Variants in SVIL observed in about 807,000 individuals in gnomAD.
The protein encoded by SVIL is supervillin, also known as archvillin.
A neutral mutation model predicts 240.4 loss-of-function variants in SVIL; 101 were observed. The observed-to-expected ratio is 0.42, with a 90% confidence interval of 0.36 to 0.50. The LOEUF is 0.50. SVIL is among the 20% of genes least tolerant of loss of function. The pLI, the probability that SVIL is intolerant of heterozygous loss-of-function variation, is 0.01. For synonymous variants in SVIL, 999 were observed against 1,100.0 expected (o/e 0.91, Z 1.82); for missense variants, 2,512 against 2,818.7 (o/e 0.89, Z 2.46).
chr10:29,626,675 T>G (rs1957883957), intron 1 of SVIL, among the ~76,000 whole-genome samples: 1 of 152,136 alleles, frequency 6.6e-6, no homozygotes, highest in Non-Finnish European at 1.5e-5. Context: ...CATACTTAAA[T>G]GAACACAAAA....
intron 1 of SVIL, among the ~76,000 whole-genome samples, chr10:29,613,393 C>T (rs372295501): frequency 2.0e-5 from 3 of 151,912 alleles, no homozygotes; most frequent in Non-Finnish European, 2.9e-5. Flanking sequence ...AGTGCAGTGG[C>T]GCAATCAAGG....
At position 29,681,741 on chromosome 10, in the gene SVIL, T is replaced by C. The variant is rs182068124; in HGVS notation, c.-301+4812A>G. On this transcript the variant is annotated intron_variant, in intron 2 of 35. Coordinates refer to the SVIL transcript ENST00000375400. ...TGGTTTCAGATCATCAGAGCTGGGCTGGATGCTCCCACCAGCAGGACTTCC... is the reference window on the plus strand; with the variant it reads ...TGGTTTCAGATCATCAGAGCTGGGCCGGATGCTCCCACCAGCAGGACTTCC... Among the ~76,000 whole-genome samples, 283 of 152,328 alleles carry C rather than the reference T, an allele frequency of 1.9e-3. No homozygotes were observed. In the South Asian group the frequency reaches 0.03, roughly 16 times the overall value.
At chr10:29,479,791 A>C (rs1474391855) in intron 29 of SVIL, among the ~76,000 whole-genome samples, 1 of 152,236 alleles carries the variant, frequency 6.6e-6, no homozygotes, top group East Asian at 1.9e-4. Context: ...GTAAAGAGGC[A>C]AAAATACTCT....
At chr10:29,556,862 C>A (rs1953979857) in intron 3 of SVIL, among the ~76,000 whole-genome samples, 1 of 152,020 alleles carries the variant, frequency 6.6e-6, no homozygotes, top group Non-Finnish European at 1.5e-5. Context: ...TCAAGGATGA[C>A]AAAAACCAAA....
chr10:29,470,992 C>T (rs1234732894), intron 31 of SVIL, 146 bp downstream of exon 31: 1 of 746,296 alleles, frequency 1.3e-6, no homozygotes, highest in African/African-American at 1.7e-5. Context: ...ACCCATAGAG[C>T]TGAGTTATCA....
rs958007068 is a variant in SVIL, at chr10:29,548,195, G to C, written c.827+2402C>G. Reference sequence around the variant, plus strand: ...ATACATTTCAGTACCACAAGGGTCTGCTTCATATGTGTTACTGCCACTTAG... The same window carrying C: ...ATACATTTCAGTACCACAAGGGTCTCCTTCATATGTGTTACTGCCACTTAG... On this transcript the variant is annotated intron_variant, in intron 6 of 37. Coordinates refer to ENST00000355867, the MANE Select transcript of SVIL (RefSeq NM_021738.3). Among the ~76,000 whole-genome samples, 5 of 152,270 alleles carry C rather than the reference G, an allele frequency of 3.3e-5. No individual in the cohort carries two copies. The East Asian group carries it at 9.7e-4, about 29-fold the overall frequency.
At chr10:29,561,971 C>T (rs2132690023) in intron 3 of SVIL, among the ~76,000 whole-genome samples, 1 of 152,320 alleles carries the variant, frequency 6.6e-6, no homozygotes, top group East Asian at 1.9e-4. Context: ...GACATTCACC[C>T]TCATCAGACT....
At chr10:29,606,451 A>T (rs1233739865) in intron 1 of SVIL, among the ~76,000 whole-genome samples, 1 of 152,288 alleles carries the variant, frequency 6.6e-6, no homozygotes, top group South Asian at 2.1e-4. Context: ...AGGTTTTGTT[A>T]TACTTCTTTC....
At position 29,532,990 on chromosome 10, in the gene SVIL, C is replaced by T. The variant is rs1229600642; in HGVS notation, c.1377G>A (p.Leu459=). Residue 459 remains leucine (L), a synonymous_variant, in exon 8 of 38, where the codon TTG becomes TTA. Transcript: ENST00000355867. ...LEQSKKTLLA[L]EGDGLVRSPE... ...GGCTTCTCACTAGCCCATCACCCTC[C>T]AAAGCCAGTAGGGTTTTCTTGCTTT... 1.2e-6 allele frequency: 2 copies of T among 1,614,192 alleles called. No homozygotes were observed. Among genetic ancestry groups the T allele is most frequent in the Non-Finnish European group, 1.7e-6 (2 of 1,180,040 alleles).
chr10:29,497,965 C>T (rs1588990028), intron 18 of SVIL, among the ~76,000 whole-genome samples: 1 of 151,466 alleles, frequency 6.6e-6, no homozygotes. Flanking sequence ...GCCTGTGATC[C>T]CAGCTACTCG....
In SVIL at chr10:29,465,635, C is replaced by T; in HGVS notation, c.6093G>A (p.Met2031Ile). The T allele has an allele frequency of 3.1e-6, 5 of 1,613,972 alleles. No individual in the cohort carries two copies. The highest frequency in any genetic ancestry group is 4.2e-6 in the Non-Finnish European group (5 of 1,180,028). Residue 2031 changes from methionine (M) to isoleucine (I), a missense_variant, in exon 34 of 38, where the codon ATG (methionine) becomes ATA (isoleucine). Physicochemically the swap from Met to Ile is conservative, Grantham distance 10. Coordinates refer to ENST00000355867, the MANE Select transcript of SVIL (RefSeq NM_021738.3). ...TGTACAGATCTTCCTGCAGGAAGGG[C>T]ATGGAACTGACCACAGAGGGGGCTC... is the stretch of plus-strand genomic sequence containing the variant. ...PARAPSVVSS[M>I]PFLQEDLYSA... is the part of the protein sequence containing the mutation.
intron 6 of SVIL, among the ~76,000 whole-genome samples, chr10:29,537,434 C>T (rs1253510157): frequency 6.6e-6 from 1 of 152,138 alleles, no homozygotes; most frequent in Non-Finnish European, 1.5e-5. Context: ...GTAATTATAC[C>T]AGGCTGAAGG....
Position 29,634,676 on chromosome 10 carries a change from C to A in SVIL, c.-457G>T, listed in dbSNP as rs1056722877. On this transcript the variant is annotated 5_prime_UTR_variant, in exon 1 of 38. Transcript: ENST00000355867. ...CAAAGATCACGATGTCAGCAAGCAA[C>A]TGCATCTATCAGAAGCGATGATGAT... 4 of 152,130 alleles carry A rather than the reference C, an allele frequency of 2.6e-5. No homozygotes were observed. The highest frequency in any genetic ancestry group is 9.7e-5 in the African/African-American group (4 of 41,416). 9.4% of individuals were successfully genotyped at this position (152,130 alleles called of 1,614,324 possible).
At chr10:29,641,680 GA>G (rs1440038018) in intron 3 of SVIL, among the ~76,000 whole-genome samples, 1 of 152,118 alleles carries the variant, frequency 6.6e-6, no homozygotes, top group Non-Finnish European at 1.5e-5. Flanking sequence ...ATCAGTAGGA[GA>G]AAAAAGGTAT....
chr10:29,480,742 G>A lies in SVIL; in HGVS notation c.5172C>T (p.Gly1724=). The stretch of plus-strand genomic sequence containing the variant: ...CGACGTTCACTCCGTCCAGGATGGT[G>A]CCTGCTGTCGTCTGGGGCATGGACA... ...RMVSMPQTTA[G]TILDGVNVGR... The change falls in exon 29 of 38, where the codon GGC becomes GGT. Residue 1724 remains glycine, a synonymous_variant. Transcript: ENST00000355867. The A allele has an allele frequency of 1.9e-6, 3 of 1,614,154 alleles. No individual in the cohort carries two copies. The highest frequency in any genetic ancestry group is 4.5e-5 in the East Asian group (2 of 44,872).
In SVIL at chr10:29,484,947, CGG is replaced by C. The variant is rs1947253459; in HGVS notation, c.4780-118_4780-117del. 8.0e-6 allele frequency: 9 copies of C among 1,122,794 alleles called. No individual in the cohort carries two copies. In the South Asian group the frequency reaches 1.2e-4, roughly 14 times the overall value. 69.6% of individuals were successfully genotyped at this position (1,122,794 alleles called of 1,614,324 possible). ...AAACGGAGGAAGACAGAAATCCTAA[CGG>C]GGCGACCAACACAGACACAAAAAGG... On this transcript the variant is annotated intron_variant, in intron 26 of 37. Coordinates refer to ENST00000355867, the MANE Select transcript of SVIL (RefSeq NM_021738.3). This position sits in a 1 kb window ranked among gnomAD's most constrained non-coding sequence, Gnocchi z 4.7.
chr10:29,668,107 G>C (rs966504930), intron 2 of SVIL, among the ~76,000 whole-genome samples: 1 of 152,100 alleles, frequency 6.6e-6, no homozygotes, highest in African/African-American at 2.4e-5. Flanking sequence ...TATTTTTAGA[G>C]AATAAAGCTC....
chr10:29,478,420 A>G (rs929778889), intron 29 of SVIL, among the ~76,000 whole-genome samples: 6 of 152,160 alleles, frequency 3.9e-5, no homozygotes, highest in African/African-American at 1.4e-4. Flanking sequence ...TAAACGTCAT[A>G]TATACCTGAT....
chr10:29,654,392 G>A (rs1046167933), intron 3 of SVIL, among the ~76,000 whole-genome samples: 4 of 151,906 alleles, frequency 2.6e-5, no homozygotes, highest in African/African-American at 9.7e-5. Context: ...CTTATGTCCT[G>A]CAATCTTGCT....
Sources: allele counts gnomAD v4.1 joint callset (sites outside exome capture counted in the v4.1 genomes callset), GRCh38; gene constraint gnomAD v4.1.1; non-coding constraint Gnocchi (gnomAD v3.1); transcripts MANE v1.5; gene names NCBI Gene and HGNC (gene_info 2026-07-23, HGNC 2026-07-21).